Variants in MGRN1 observed in about 807,000 individuals in gnomAD.
The protein encoded by MGRN1 is mahogunin ring finger 1.
MGRN1 carries 29 observed loss-of-function variants against 69.2 expected under a neutral mutation model. The ratio of observed to expected loss-of-function variants is 0.42; its 90% CI spans 0.31 to 0.57. The LOEUF (loss-of-function observed/expected upper bound fraction) is 0.57. MGRN1 is among the 20% of genes least tolerant of loss of function. The probability of loss-of-function intolerance (pLI) is 0.15; values close to 1 mark genes in which losing one functional copy is unlikely to be tolerated. For missense variants in MGRN1, 998 were observed against 796.2 expected (o/e 1.25, Z -3.05); for synonymous variants, 470 against 344.2 (o/e 1.37, Z -4.04).
intron 5 of MGRN1, among the ~76,000 whole-genome samples, chr16:4,661,994 C>T (rs1240776624): frequency 1.3e-5 from 2 of 152,144 alleles, no homozygotes; most frequent in Admixed American, 1.3e-4. Context: ...TGGGGACATG[C>T]CTGGGAACGC....
At chr16:4,653,993 C>G (rs549752176) in intron 4 of MGRN1, among the ~76,000 whole-genome samples, 2 of 152,294 alleles carry the variant, frequency 1.3e-5, no homozygotes, top group Admixed American at 1.3e-4. Flanking sequence ...CTCAGGTGAT[C>G]CACCTGCCTC....
chr16:4,683,803 C>G (rs200889605), intron 15 of MGRN1, 40 bp from the exon 16 acceptor site: 4 of 1,579,976 alleles, frequency 2.5e-6, no homozygotes, highest in Non-Finnish European at 3.5e-6. Context: ...CGGGACCTGG[C>G]CCCTGCCTGT....
At chr16:4,647,507 C>G (rs1222011830) in intron 1 of MGRN1, among the ~76,000 whole-genome samples, 1 of 152,190 alleles carries the variant, frequency 6.6e-6, no homozygotes, top group African/African-American at 2.4e-5. Context: ...TTTGCTCCAC[C>G]CCTCGTCTGC....
At chr16:4,680,398 G>C (rs951919010) in intron 12 of MGRN1, 1 of 381,066 alleles carries the variant, frequency 2.6e-6, no homozygotes, top group African/African-American at 2.1e-5. Context: ...GGACGTTGCA[G>C]GCGGAACTAA....
chr16:4,686,341 G>T, intron 16 of MGRN1: 1 of 1,539,970 alleles, frequency 6.5e-7, no homozygotes, highest in Non-Finnish European at 8.7e-7. Flanking sequence ...GGGCTCTGAC[G>T]CGCGTCCTTG....
chr16:4,654,833 C>T (rs142388928), intron 4 of MGRN1, among the ~76,000 whole-genome samples: 30 of 152,300 alleles, frequency 2.0e-4, no homozygotes, highest in African/African-American at 7.0e-4. Context: ...GGTGAGGCCG[C>T]CCTTGGGCTC....
At chr16:4,666,095 C>T (rs1294985179) in intron 7 of MGRN1, among the ~76,000 whole-genome samples, 1 of 152,000 alleles carries the variant, frequency 6.6e-6, no homozygotes, top group African/African-American at 2.4e-5. Context: ...TCCCAAAGTG[C>T]TTGGATTACA....
At chr16:4,644,149 T>TTTTTG (rs1378062442) in intron 1 of MGRN1, among the ~76,000 whole-genome samples, 1 of 151,304 alleles carries the variant, frequency 6.6e-6, no homozygotes, top group African/African-American at 2.4e-5. Flanking sequence ...GGCTAATTTT[T>TTTTTG]TTTTGTTTTG....
intron 1 of MGRN1, among the ~76,000 whole-genome samples, chr16:4,635,525 A>G (rs1898237377): frequency 6.6e-6 from 1 of 151,358 alleles, no homozygotes; most frequent in African/African-American, 2.4e-5. Context: ...GCTGGAGTGT[A>G]GTGGCATGAT....
chr16:4,641,706 C>T (rs183086314), intron 1 of MGRN1, among the ~76,000 whole-genome samples: 16 of 152,006 alleles, frequency 1.1e-4, no homozygotes, highest in Middle Eastern at 3.4e-3. Flanking sequence ...TTAGTAGAGA[C>T]GGGAGTTTCT....
chr16:4,657,075 C>A (rs894845624), intron 4 of MGRN1, among the ~76,000 whole-genome samples, 171 bp from the exon 5 acceptor site: 1 of 152,136 alleles, frequency 6.6e-6, no homozygotes, highest in Admixed American at 6.5e-5. Flanking sequence ...CCGTGGAAGG[C>A]CCTGGAAGGG....
intron 1 of MGRN1, chr16:4,634,731 G>C (rs1033309687): frequency 6.6e-6 from 1 of 152,314 alleles, no homozygotes; most frequent in Non-Finnish European, 1.5e-5. Flanking sequence ...AGACCTGGGC[G>C]AAGAAGCGAG....
chr16:4,663,915 C>G (rs143667053), intron 5 of MGRN1, among the ~76,000 whole-genome samples: 2,391 of 152,340 alleles, frequency 0.016, 39 homozygotes, highest in South Asian at 0.033. Context: ...TCTTTGGACT[C>G]AAGCCAGCCT....
intron 7 of MGRN1, among the ~76,000 whole-genome samples, chr16:4,667,452 C>T (rs138276340): frequency 0.015 from 2,297 of 152,312 alleles, 32 homozygotes; most frequent in Non-Finnish European, 0.023. Context: ...GGCCCGGACT[C>T]GTCAGAAGCC....
intron 5 of MGRN1, among the ~76,000 whole-genome samples, chr16:4,661,393 G>T (rs897386324): frequency 6.6e-6 from 1 of 152,174 alleles, no homozygotes. Context: ...GCCCTCTCCC[G>T]GAGGAGGCTG....
rs545768999 is a variant in MGRN1 at position 4,675,781 on chromosome 16, GT to G, written c.956-1681del. 5.8e-3 allele frequency among the ~76,000 whole-genome samples: 878 copies of G among 152,224 alleles called. 7 individuals carry two copies. Among genetic ancestry groups the G allele is most frequent in the Non-Finnish European group, 7.6e-3 (514 of 68,026 alleles). Reference sequence around the variant, plus strand: ...GCGAAGTGAAAACAAAGTATGCTGGGTAGAAAATTGACCAAGGAATTAAATT... The same window carrying G: ...GCGAAGTGAAAACAAAGTATGCTGGGAGAAAATTGACCAAGGAATTAAATT... On this transcript the variant is annotated intron_variant, in intron 10 of 16. Transcript: ENST00000262370.
intron 12 of MGRN1, 178 bp downstream of exon 12, chr16:4,680,275 G>C (rs947293679): frequency 7.9e-6 from 5 of 636,042 alleles, no homozygotes; most frequent in Admixed American, 3.2e-5. Flanking sequence ...AAAAGCTCTC[G>C]GTCCGTGGGC....
intron 1 of MGRN1, among the ~76,000 whole-genome samples, chr16:4,628,079 CAAAAAAAA>C (rs747646208): frequency 1.7e-5 from 1 of 58,012 alleles, no homozygotes; most frequent in Admixed American, 2.0e-4. Flanking sequence ...GACTCCGTCT[CAAAAAAAA>C]AAAAAAAAAA....
chr16:4,683,228 T>G lies in MGRN1; in HGVS notation c.1487T>G (p.Phe496Cys). The G allele has an allele frequency of 6.2e-7, 1 of 1,613,790 alleles. No individual in the cohort carries two copies. Among genetic ancestry groups the G allele is most frequent in the South Asian group, 1.1e-5 (1 of 91,090 alleles). The change falls in exon 15 of 17, where the codon TTC becomes TGC. Residue 496 changes from phenylalanine (F) to cysteine (C), a missense_variant. Coordinates refer to ENST00000262370, the MANE Select transcript of MGRN1 (RefSeq NM_015246.4). ...ACTTTCCCCTTTGTTTCCTAGAGTT[T>G]CATAACAGAAGAGGTTGATGAGTCG... is the stretch of plus-strand genomic sequence containing the variant. The part of the protein sequence containing the change: ...ALRESSSPES[F>C]ITEEVDESSS...
Sources: allele counts gnomAD v4.1 joint callset (sites outside exome capture counted in the v4.1 genomes callset), GRCh38; gene constraint gnomAD v4.1.1; transcripts MANE v1.5; gene names NCBI Gene and HGNC (gene_info 2026-07-23, HGNC 2026-07-21).